Variants in CTDP1 observed in about 807,000 individuals in gnomAD.
CTDP1 encodes the protein CTD phosphatase 1.
In CTDP1, 47 loss-of-function variants were observed where a neutral mutation model predicts 91.8. The observed-to-expected ratio is 0.51, with a 90% CI of 0.41 to 0.65. CTDP1 has a LOEUF of 0.65. Ranked by LOEUF, CTDP1 falls within the 30% of genes least tolerant of loss-of-function variation. The probability of loss-of-function intolerance (pLI) is 0.00; values close to 1 mark genes in which losing one functional copy is unlikely to be tolerated. For missense variants in CTDP1, 1,272 were observed against 1,373.7 expected, an observed-to-expected ratio of 0.93 and a Z score of 1.17; for synonymous variants, 656 against 598.5, an observed-to-expected ratio of 1.10 and a Z score of -1.40.
chr18:79,726,753 G>T (rs1480197884), intron 10 of CTDP1, among the ~76,000 whole-genome samples: 1 of 151,344 alleles, frequency 6.6e-6, no homozygotes, highest in Non-Finnish European at 1.5e-5. Flanking sequence ...GGACGGCTGT[G>T]GGGGATGGGG....
upstream of CTDP1, chr18:79,678,027 G>A (rs1424933611): frequency 6.6e-6 from 1 of 152,184 alleles, no homozygotes; most frequent in Non-Finnish European, 1.5e-5. Flanking sequence ...CGAGGGTAGG[G>A]GCTGGAGAAA....
chr18:79,733,329 A>G (rs2086602349), intron 11 of CTDP1, among the ~76,000 whole-genome samples: 2 of 152,198 alleles, frequency 1.3e-5, no homozygotes, highest in South Asian at 2.1e-4. Context: ...TGTCTCAGCC[A>G]GCTCACAAAG....
rs757022244 is a variant in CTDP1 at position 79,717,943 on chromosome 18, A to G, written c.2344A>G (p.Ile782Val). 1 of 1,613,528 alleles carries G rather than the reference A, an allele frequency of 6.2e-7. No homozygotes were observed. Among genetic ancestry groups the G allele is most frequent in the South Asian group, 1.1e-5 (1 of 91,086 alleles). ...CTACGACTCCAACACGGGGAAGCTCATCAGGACGGGCGCCCGGGGGCCCCC... is the reference window on the plus strand; with the variant it reads ...CTACGACTCCAACACGGGGAAGCTCGTCAGGACGGGCGCCCGGGGGCCCCC... Reference protein sequence around the residue: ...RIYDSNTGKLIRTGARGPPAP... With the variant: ...RIYDSNTGKLVRTGARGPPAP... The change falls in exon 10 of 13, where the codon ATC (isoleucine) becomes GTC (valine). Residue 782 changes from isoleucine (I) to valine (V), a missense_variant. Ile to Val is a conservative substitution (Grantham distance 29). Around this residue, in one of 3 missense-constraint regions of CTDP1, gnomAD observed 881 missense variants for 911.6 expected, o/e 0.97. Transcript: ENST00000613122.
At chr18:79,700,616 G>A (rs1220820330) in intron 4 of CTDP1, among the ~76,000 whole-genome samples, 22 of 152,214 alleles carry the variant, frequency 1.4e-4, no homozygotes, top group Admixed American at 7.2e-4. Flanking sequence ...AGCCGTCTCC[G>A]TAACACAAAA....
chr18:79,678,524 T>C (rs537922024), upstream of CTDP1: 1 of 152,288 alleles, frequency 6.6e-6, no homozygotes, highest in East Asian at 1.9e-4. Flanking sequence ...CGCCTTGAAT[T>C]TGTGCTCAAG....
chr18:79,681,270 C>G (rs2085360840), intron 1 of CTDP1, among the ~76,000 whole-genome samples: 1 of 152,220 alleles, frequency 6.6e-6, no homozygotes, highest in Admixed American at 6.5e-5. Context: ...GGTCCTTGAC[C>G]CTCGGCACGG....
chr18:79,722,683 A>G (rs2086368302), intron 10 of CTDP1, among the ~76,000 whole-genome samples: 1 of 151,896 alleles, frequency 6.6e-6, no homozygotes, highest in Non-Finnish European at 1.5e-5. Context: ...GTTCTCCTAA[A>G]ATGAGCCTGG....
At chr18:79,712,474 G>T (rs1423277211) in intron 6 of CTDP1, among the ~76,000 whole-genome samples, 2 of 152,098 alleles carry the variant, frequency 1.3e-5, no homozygotes, top group African/African-American at 2.4e-5. Flanking sequence ...TAGAGACAGG[G>T]TCTTCCTATG....
chr18:79,706,366 G>T (rs180933392), intron 5 of CTDP1, among the ~76,000 whole-genome samples: 2 of 152,176 alleles, frequency 1.3e-5, no homozygotes, highest in Non-Finnish European at 1.5e-5. Flanking sequence ...AGATTGTGCC[G>T]TTGCAGCCAG....
intron 11 of CTDP1, among the ~76,000 whole-genome samples, chr18:79,735,067 C>G (rs1213997116): frequency 6.6e-6 from 1 of 152,148 alleles, no homozygotes; most frequent in Non-Finnish European, 1.5e-5. Context: ...GTGGATGCGT[C>G]GGCCTCCATG....
chr18:79,717,769 C>T (rs746582339), intron 9 of CTDP1, 41 bp from the exon 10 acceptor site: 9 of 1,613,566 alleles, frequency 5.6e-6, no homozygotes, highest in African/African-American at 1.3e-5. Context: ...CCTCATCACC[C>T]GGACGCCCCG....
intron 10 of CTDP1, among the ~76,000 whole-genome samples, chr18:79,719,016 A>G (rs1040472197): frequency 6.6e-6 from 1 of 151,948 alleles, no homozygotes; most frequent in Non-Finnish European, 1.5e-5. Context: ...TGGCCCTCCC[A>G]AGTCAGGAGC....
rs1430198691 is a variant in CTDP1, at chr18:79,742,302, C to A, written c.2747+5781C>A. ...TGTCCACGAGAGAGAGGCCTGAGGG[C>A]AGCAGAGGAGGCATGAGGCGTCCAT... On this transcript the variant is annotated intron_variant, in intron 12 of 12. Transcript: ENST00000613122. Among the ~76,000 whole-genome samples, 3 of 149,846 alleles carry A rather than the reference C, an allele frequency of 2.0e-5. No individual in the cohort carries two copies. The East Asian group carries it at 5.9e-4, about 29-fold the overall frequency.
rs148290526 is a variant in CTDP1, at chr18:79,726,588, T to C, written c.2418-2319T>C. 1.9e-3 allele frequency among the ~76,000 whole-genome samples: 240 copies of C among 126,070 alleles called. 1 individual carries two copies. The highest frequency in any genetic ancestry group is 6.1e-3 in the African/African-American group (220 of 35,842). The allele number at this position is 126,070 out of a possible 152,430, so 82.7% of individuals were successfully genotyped here. A position where few individuals can be genotyped will look rare whatever the true frequency, so the allele number is the denominator to read the frequency against. On this transcript the variant is annotated intron_variant, in intron 10 of 12. Coordinates refer to ENST00000613122, the MANE Select transcript of CTDP1 (RefSeq NM_004715.5). The stretch of plus-strand genomic sequence containing the variant: ...GAGACTCTGGATCTTATTTAAACCT[T>C]CTCCCATCACTGATTTTTTTTTTTT...
chr18:79,725,929 C>G (rs2086435998), intron 10 of CTDP1, among the ~76,000 whole-genome samples: 1 of 152,216 alleles, frequency 6.6e-6, no homozygotes, highest in South Asian at 2.1e-4. Context: ...TTTTCTCTTT[C>G]ACTGCCTTCC....
chr18:79,693,852 C>T lies in CTDP1; in HGVS notation c.315-1373C>T, dbSNP rs534308401. On this transcript the variant is annotated intron_variant, in intron 1 of 12. Coordinates refer to ENST00000613122, the MANE Select transcript of CTDP1 (RefSeq NM_004715.5). ...GATGCTGGCTACAGACCCGCCCCTC[C>T]GAGTCTCCCTGAAGGATGCAGGCTA... Among the ~76,000 whole-genome samples, 17 of 146,782 alleles carry T rather than the reference C, an allele frequency of 1.2e-4. No individual in the cohort carries two copies. In the South Asian group the frequency reaches 2.1e-3, roughly 18 times the overall value.
At chr18:79,754,607 A>G (rs611771), downstream of CTDP1, 142,887 of 152,452 alleles carry the variant, frequency 0.94, 67,617 homozygotes, top group East Asian at 1. Flanking sequence ...TCCCACGGAC[A>G]GGACCGTGTG....
At chr18:79,739,433 G>A (rs547286533) in intron 12 of CTDP1, among the ~76,000 whole-genome samples, 5 of 151,400 alleles carry the variant, frequency 3.3e-5, no homozygotes, top group Non-Finnish European at 7.4e-5. Context: ...AATGACCTGC[G>A]CACGGCAGAA....
chr18:79,704,677 C>G (rs2122557987), intron 4 of CTDP1, 90 bp from the exon 5 acceptor site: 1 of 1,546,450 alleles, frequency 6.5e-7, no homozygotes, highest in African/African-American at 1.4e-5. Context: ...CACGTGTGTT[C>G]TCAGGATGCC....
Sources: gnomAD v4.1 joint callset for allele counts (sites outside exome capture counted in the v4.1 genomes callset) on GRCh38, gnomAD v4.1.1 for gene constraint, gnomAD v4.1.1 regional missense constraint, MANE v1.5 for transcripts, NCBI Gene and HGNC (gene_info 2026-07-23, HGNC 2026-07-21) for gene names.